Variants in LRP2 observed in about 807,000 individuals in gnomAD.
LRP2 encodes low-density lipoprotein receptor-related protein 2.
A neutral mutation model predicts 531.0 loss-of-function variants in LRP2; 172 were observed. That is an observed-to-expected ratio of 0.32 (90% CI 0.29 to 0.37). The LOEUF (loss-of-function observed/expected upper bound fraction) is 0.37, where lower values mean the gene tolerates loss of function less well. LRP2 is among the 10% of genes least tolerant of loss of function. The pLI is 1.00. For synonymous variants in LRP2, 1,992 were observed against 2,027.6 expected (o/e 0.98, Z 0.47); for missense variants, 5,167 against 5,868.3 (o/e 0.88, Z 3.90).
intron 13 of LRP2, among the ~76,000 whole-genome samples, chr2:169,276,430 T>A (rs745478018): frequency 1.6e-4 from 24 of 152,196 alleles, no homozygotes; most frequent in Non-Finnish European, 8.8e-5. Context: ...TATAATATAA[T>A]GCTAAAACAT....
chr2:169,139,674 G>C (rs1363399448), intron 72 of LRP2, 64 bp from the exon 73 acceptor site: 3 of 1,372,306 alleles, frequency 2.2e-6, no homozygotes, highest in African/African-American at 1.4e-5. Flanking sequence ...GCATTTTTCT[G>C]AGCACATCCT....
chr2:169,132,547 A>T (rs768883282), intron 77 of LRP2, 27 bp downstream of exon 77: 1 of 1,353,960 alleles, frequency 7.4e-7, no homozygotes, highest in South Asian at 1.2e-5. Context: ...CAAATCCCAC[A>T]TTATTTCAGG....
intron 62 of LRP2, among the ~76,000 whole-genome samples, chr2:169,164,561 A>G (rs1175136326): frequency 3.9e-5 from 6 of 152,236 alleles, no homozygotes; most frequent in African/African-American, 1.4e-4. Context: ...TTCCAGGCTC[A>G]GGAAGTTAAG....
chr2:169,230,340 C>A (rs752382715), intron 31 of LRP2, among the ~76,000 whole-genome samples: 17 of 152,156 alleles, frequency 1.1e-4, no homozygotes, highest in Non-Finnish European at 1.9e-4. Context: ...AGTGCCAGTC[C>A]CTCTGTGAGA....
intron 4 of LRP2, among the ~76,000 whole-genome samples, chr2:169,306,711 T>A (rs1026416119): frequency 6.6e-6 from 1 of 151,986 alleles, no homozygotes; most frequent in African/African-American, 2.4e-5. Context: ...TACTAGATAA[T>A]GAACCATGAT....
chr2:169,309,370 G>A (rs1684525088), intron 3 of LRP2, among the ~76,000 whole-genome samples: 1 of 152,182 alleles, frequency 6.6e-6, no homozygotes, highest in Admixed American at 6.5e-5. Context: ...TGACATTTAA[G>A]TCTTTAATCC....
At position 169,132,724 on chromosome 2, in the gene LRP2, T is replaced by C. The variant is rs767114699; in HGVS notation, c.13621-43A>G. On this transcript the variant is annotated intron_variant, in intron 76 of 78. Coordinates refer to ENST00000649046, the MANE Select transcript of LRP2 (RefSeq NM_004525.3). ...GCCTTTACCCAATTTTGAAAGAATTTAGTAGTAAATAAATTTGCTGTAAAG... is the reference window on the plus strand; with the variant it reads ...GCCTTTACCCAATTTTGAAAGAATTCAGTAGTAAATAAATTTGCTGTAAAG... The C allele has an allele frequency of 8.5e-6, 8 of 941,416 alleles. No individual in the cohort carries two copies. In the South Asian group the frequency reaches 9.0e-5, roughly 11 times the overall value. 58.3% of individuals were successfully genotyped at this position (941,416 alleles called of 1,614,324 possible).
chr2:169,173,090 T>C lies in LRP2; in HGVS notation c.11143+6A>G. 1.2e-6 allele frequency: 2 copies of C among 1,614,132 alleles called. No individual in the cohort carries two copies. Among genetic ancestry groups the C allele is most frequent in the Non-Finnish European group, 1.7e-6 (2 of 1,180,022 alleles). ...CCTCCCTCCACTCCCCTGTGGCCCC[T>C]CCTACCACAGCCTTGCTCATCACTG... On this transcript the variant is annotated splice_donor_region_variant and intron_variant, in intron 57 of 78. Transcript: ENST00000649046.
At chr2:169,347,004 A>G (rs1379386582) in intron 1 of LRP2, among the ~76,000 whole-genome samples, 1 of 152,174 alleles carries the variant, frequency 6.6e-6, no homozygotes, top group Non-Finnish European at 1.5e-5. Flanking sequence ...GCACAAGCAT[A>G]ATAACCCTTT....
chr2:169,191,061 A>G (rs1024839058), intron 48 of LRP2, among the ~76,000 whole-genome samples: 5 of 152,214 alleles, frequency 3.3e-5, no homozygotes, highest in Non-Finnish European at 7.3e-5. Flanking sequence ...TTTGATCCAC[A>G]CAGTGTTTTA....
rs369588977 is a variant in LRP2, at chr2:169,226,510, T to A, written c.5306A>T (p.Asp1769Val). The A allele has an allele frequency of 5.6e-6, 9 of 1,606,690 alleles. No homozygotes were observed. Among genetic ancestry groups the A allele is most frequent in the Non-Finnish European group, 6.8e-6 (8 of 1,173,388 alleles). The change falls in exon 32 of 79, where the codon GAT (aspartate) becomes GTT (valine). Residue 1769 changes from aspartate (D) to valine (V), a missense_variant. Asp to Val is a radical substitution (Grantham distance 152, BLOSUM62 -3). This residue lies in a region of LRP2 where 2,811 missense variants were observed against 3,058.0 expected (regional missense o/e 0.92). Transcript: ENST00000649046. Reference protein sequence around the residue: ...ISLNPEVKSNDAMVPIAGIQN... With the variant: ...ISLNPEVKSNVAMVPIAGIQN... ...TATCCCTGCTATGGGGACCATAGCA[T>A]CATTGCTCTTCACCTCAGGATTAAG...
At chr2:169,208,730 T>C (rs1315876929) in intron 38 of LRP2, among the ~76,000 whole-genome samples, 1 of 152,210 alleles carries the variant, frequency 6.6e-6, no homozygotes, top group East Asian at 1.9e-4. Flanking sequence ...GTGCTGGGAT[T>C]ACAGGCATGA....
chr2:169,247,351 T>G, intron 20 of LRP2, 27 bp downstream of exon 20: 1 of 1,611,990 alleles, frequency 6.2e-7, no homozygotes, highest in Middle Eastern at 1.7e-4. Context: ...TACAAAAAAA[T>G]AAAAAAAACT....
At chr2:169,272,247 G>A (rs1026656677) in intron 15 of LRP2, among the ~76,000 whole-genome samples, 25 of 152,108 alleles carry the variant, frequency 1.6e-4, no homozygotes, top group African/African-American at 6.0e-4. Flanking sequence ...TCATTAGCTG[G>A]GGCCCAGGCG....
At chr2:169,169,897 CTCCAT>C in intron 59 of LRP2, 79 bp from the exon 60 acceptor site, 1 of 964,352 alleles carries the variant, frequency 1.0e-6, no homozygotes, top group Non-Finnish European at 1.7e-6. Context: ...ATAGTGGTTA[CTCCAT>C]CACATTCCTA....
intron 45 of LRP2, among the ~76,000 whole-genome samples, chr2:169,198,475 C>T (rs931285873): frequency 1.4e-4 from 22 of 152,234 alleles, no homozygotes; most frequent in African/African-American, 5.3e-4. Context: ...ATTATAAGGG[C>T]TTAACGGGCA....
rs112237778 is a variant in LRP2, at chr2:169,169,914, C to T, written c.11381-96G>A. ...AGTGGTTACTCCATCACATTCCTAT[C>T]TACACCCTGTGACTGGCTCACAGCA... On this transcript the variant is annotated intron_variant, in intron 59 of 78. Transcript: ENST00000649046. The T allele has an allele frequency of 1.7e-4, 142 of 852,348 alleles. 1 individual carries two copies. In the African/African-American group the frequency reaches 2.1e-3, roughly 13 times the overall value. 52.8% of individuals were successfully genotyped at this position (852,348 alleles called of 1,614,324 possible).
intron 3 of LRP2, among the ~76,000 whole-genome samples, chr2:169,309,660 T>C (rs1274955752): frequency 1.3e-5 from 2 of 152,208 alleles, no homozygotes; most frequent in African/African-American, 2.4e-5. Flanking sequence ...GGTAGCATGA[T>C]GCCTCCAGCT....
At chr2:169,291,290 C>T (rs1313106021) in intron 7 of LRP2, among the ~76,000 whole-genome samples, 5 of 152,046 alleles carry the variant, frequency 3.3e-5, no homozygotes, top group Non-Finnish European at 7.4e-5. Flanking sequence ...TTCATGATCC[C>T]CTAAGAAAAG....
Sources: allele counts gnomAD v4.1 joint callset (sites outside exome capture counted in the v4.1 genomes callset), GRCh38; gene constraint gnomAD v4.1.1; regional missense constraint gnomAD v4.1.1; transcripts MANE v1.5; gene names NCBI Gene and HGNC (gene_info 2026-07-23, HGNC 2026-07-21).